The following RNF150 variants were observed in gnomAD, a reference collection of about 807,000 sequenced individuals.
RNF150 encodes the protein ring finger protein 150.
Under a neutral mutation model 39.3 loss-of-function variants are expected in RNF150, and 24 were observed. That is an observed-to-expected ratio of 0.61 (90% CI 0.44 to 0.86). The LOEUF (loss-of-function observed/expected upper bound fraction) is 0.86, where lower values mean the gene tolerates loss of function less well. Among genes scored for constraint, RNF150 ranks in the 40% least tolerant of loss-of-function variants. The pLI, the probability that RNF150 is intolerant of heterozygous loss-of-function variation, is 0.00. For missense variants in RNF150, 502 were observed against 587.8 expected (o/e 0.85, Z 1.51); for synonymous variants, 255 against 227.3 (o/e 1.12, Z -1.10).
chr4:140,988,529 T>C (rs1734086073), intron 1 of RNF150, among the ~76,000 whole-genome samples: 1 of 152,278 alleles, frequency 6.6e-6, no homozygotes, highest in East Asian at 1.9e-4. Context: ...AGGGTACATG[T>C]GCACAACGTG....
intron 1 of RNF150, among the ~76,000 whole-genome samples, chr4:141,191,102 A>G (rs1207512437): frequency 6.6e-6 from 1 of 152,188 alleles, no homozygotes; most frequent in African/African-American, 2.4e-5. Flanking sequence ...CCTTAAATCC[A>G]TGCAGTGGCC....
intron 5 of RNF150, among the ~76,000 whole-genome samples, chr4:140,912,616 C>G (rs1367453453): frequency 1.3e-5 from 2 of 152,104 alleles, no homozygotes; most frequent in Non-Finnish European, 2.9e-5. Flanking sequence ...GTGCTCTTAG[C>G]TGTATAATGC....
intron 1 of RNF150, among the ~76,000 whole-genome samples, chr4:141,080,670 A>T (rs1472374850): frequency 6.6e-6 from 1 of 152,192 alleles, no homozygotes; most frequent in Admixed American, 6.5e-5. Flanking sequence ...GATATTAATT[A>T]GATTTGTGTG....
intron 4 of RNF150, among the ~76,000 whole-genome samples, chr4:140,940,415 C>A (rs1249432767): frequency 6.6e-6 from 1 of 151,460 alleles, no homozygotes; most frequent in African/African-American, 2.4e-5. Context: ...GTGTGTATAA[C>A]AATTGAAGTG....
At chr4:140,993,090 G>A (rs1734252658) in intron 1 of RNF150, among the ~76,000 whole-genome samples, 1 of 152,154 alleles carries the variant, frequency 6.6e-6, no homozygotes, top group Non-Finnish European at 1.5e-5. Context: ...TCACTGCTAT[G>A]AGAGATTGCC....
At chr4:141,099,506 G>A (rs889604598) in intron 1 of RNF150, among the ~76,000 whole-genome samples, 58 of 152,292 alleles carry the variant, frequency 3.8e-4, no homozygotes, top group Non-Finnish European at 5.4e-4. Flanking sequence ...GAAACTTCTG[G>A]TGACTAATGG....
intron 1 of RNF150, among the ~76,000 whole-genome samples, chr4:141,119,234 G>A (rs190775808): frequency 1.3e-5 from 2 of 152,310 alleles, no homozygotes; most frequent in East Asian, 1.9e-4. Context: ...GTCATTTGCC[G>A]TTTGCTATTT....
intron 1 of RNF150, among the ~76,000 whole-genome samples, chr4:141,209,101 G>A (rs1439206928): frequency 6.6e-6 from 1 of 151,906 alleles, no homozygotes; most frequent in Non-Finnish European, 1.5e-5. Flanking sequence ...ATAAATCTCA[G>A]CAATGGCCCA....
intron 1 of RNF150, among the ~76,000 whole-genome samples, chr4:140,986,228 G>A (rs1329932446): frequency 3.9e-5 from 6 of 151,996 alleles, no homozygotes; most frequent in African/African-American, 1.4e-4. Context: ...CGCTGCCCAC[G>A]TCTGCTTTCT....
chr4:141,158,966 T>G (rs1244540632), intron 1 of RNF150, among the ~76,000 whole-genome samples: 1 of 152,240 alleles, frequency 6.6e-6, no homozygotes, highest in Non-Finnish European at 1.5e-5. Context: ...CCCAACTTGG[T>G]GTTCTTTAAA....
chr4:140,907,743 G>T (rs1218947109), intron 6 of RNF150, among the ~76,000 whole-genome samples: 7 of 152,284 alleles, frequency 4.6e-5, no homozygotes, highest in Non-Finnish European at 1.0e-4. Context: ...TCTGGGGCTG[G>T]TGGCCCAGTG....
At chr4:141,157,011 C>A (rs1336724885) in intron 1 of RNF150, among the ~76,000 whole-genome samples, 1 of 152,166 alleles carries the variant, frequency 6.6e-6, no homozygotes, top group Non-Finnish European at 1.5e-5. Context: ...TGTAAGGATG[C>A]TTTCAGCTGC....
intron 1 of RNF150, among the ~76,000 whole-genome samples, chr4:141,042,044 AG>A (rs1216766093): frequency 1.3e-5 from 2 of 152,068 alleles, no homozygotes; most frequent in African/African-American, 4.8e-5. Flanking sequence ...CTCAATGAAA[AG>A]TTGATGATTC....
At chr4:141,063,991 C>CAAAAAAAAAAAAAA (rs35348369) in intron 1 of RNF150, among the ~76,000 whole-genome samples, 1 of 116,660 alleles carries the variant, frequency 8.6e-6, no homozygotes, top group Non-Finnish European at 1.7e-5. Flanking sequence ...AAAAGTTCTA[C>CAAAAAAAAAAAAAA]AAAAAAAAAA....
intron 2 of RNF150, among the ~76,000 whole-genome samples, chr4:140,964,579 C>T (rs1579009621): frequency 6.6e-6 from 1 of 151,888 alleles, no homozygotes; most frequent in East Asian, 1.9e-4. Context: ...GAAAAGTGTA[C>T]AAGATTAATA....
At chr4:140,899,978 G>C (rs5010707) in intron 6 of RNF150, among the ~76,000 whole-genome samples, 6,073 of 41,378 alleles carry the variant, frequency 0.15, 360 homozygotes, top group African/African-American at 0.32. Flanking sequence ...CTCTCTCTGT[G>C]TGTGTGTGTG....
chr4:140,988,776 G>A (rs2111473688), intron 1 of RNF150, among the ~76,000 whole-genome samples: 1 of 152,144 alleles, frequency 6.6e-6, no homozygotes, highest in Non-Finnish European at 1.5e-5. Context: ...ATGATGGACT[G>A]GATTAAGAAA....
intron 5 of RNF150, among the ~76,000 whole-genome samples, chr4:140,915,386 T>A (rs540979794): frequency 1.3e-5 from 2 of 152,188 alleles, no homozygotes; most frequent in Non-Finnish European, 2.9e-5. Context: ...GGAGAAGTCA[T>A]CTTGCTGATA....
chr4:140,887,684 G>T (rs1729629970), intron 6 of RNF150, among the ~76,000 whole-genome samples: 1 of 152,126 alleles, frequency 6.6e-6, no homozygotes, highest in African/African-American at 2.4e-5. Flanking sequence ...AGAAACTAGA[G>T]AACAGGGCTC....
Sources: allele counts gnomAD v4.1 joint callset (sites outside exome capture counted in the v4.1 genomes callset), GRCh38; gene constraint gnomAD v4.1.1; transcripts MANE v1.5; gene names NCBI Gene and HGNC (gene_info 2026-07-23, HGNC 2026-07-21).